Variants in PRKN observed in about 807,000 individuals in gnomAD.
PRKN encodes E3 ubiquitin-protein ligase parkin.
A neutral mutation model predicts 59.5 loss-of-function variants in PRKN; 56 were observed. The observed-to-expected ratio is 0.94, with a 90% CI of 0.76 to 1.18. The LOEUF is 1.18. Ranked by LOEUF, PRKN falls within the 50% of genes most tolerant of loss-of-function variation. The pLI, the probability that PRKN is intolerant of heterozygous loss-of-function variation, is 0.00. For synonymous variants in PRKN, 250 were observed against 222.1 expected (o/e 1.13, Z -1.12); for missense variants, 657 against 596.4 (o/e 1.10, Z -1.06).
chr6:161,788,160 C>G (rs1790500169), intron 6 of PRKN, among the ~76,000 whole-genome samples: 1 of 152,174 alleles, frequency 6.6e-6, no homozygotes, highest in Non-Finnish European at 1.5e-5. Context: ...CTATAGTTGT[C>G]TCCTTCAGTT....
chr6:161,565,821 G>A (rs981736104), intron 8 of PRKN, among the ~76,000 whole-genome samples: 2 of 152,070 alleles, frequency 1.3e-5, no homozygotes, highest in Non-Finnish European at 2.9e-5. Flanking sequence ...GTTACACCAA[G>A]AAAAGAGAAA....
Position 161,350,192 on chromosome 6 carries a change from C to T in PRKN, c.1305G>A (p.Lys435=), listed in dbSNP as rs1582953399. ...VEKNGGCMHM[K]CPQPQCRLEW... ...CGAGCCTGCACTGGGGCTGCGGACA[C>T]TTCATGTGCATGCAGCCTCCTGTTG... Residue 435 remains lysine (K), a synonymous_variant, in exon 12 of 12, where the codon AAG becomes AAA. Coordinates refer to ENST00000366898, the MANE Select transcript of PRKN (RefSeq NM_004562.3). The T allele has an allele frequency of 6.2e-7, 1 of 1,613,476 alleles. No individual in the cohort carries two copies. The highest frequency in any genetic ancestry group is 8.5e-7 in the Non-Finnish European group (1 of 1,179,806).
At position 162,592,158 on chromosome 6, in the gene PRKN, C is replaced by A. The variant is rs1657717229; in HGVS notation, c.7+135504G>T. ...GGGATTACAGACACTCATCACCACG[C>A]CCGGGTAATTTTGTATTTGCAGTAG... On this transcript the variant is annotated intron_variant, in intron 1 of 11. Coordinates refer to ENST00000366898, the MANE Select transcript of PRKN (RefSeq NM_004562.3). 2.0e-5 allele frequency among the ~76,000 whole-genome samples: 3 copies of A among 152,084 alleles called. 1 individual carries two copies. In the South Asian group the frequency reaches 6.2e-4, roughly 32 times the overall value.
intron 4 of PRKN, among the ~76,000 whole-genome samples, chr6:162,162,269 T>C (rs1479857876): frequency 6.6e-6 from 1 of 152,152 alleles, no homozygotes; most frequent in East Asian, 1.9e-4. Flanking sequence ...CACCTGACCT[T>C]ACATAGCATT....
chr6:162,020,846 T>C (rs914362168), intron 5 of PRKN, among the ~76,000 whole-genome samples: 3 of 152,032 alleles, frequency 2.0e-5, no homozygotes, highest in African/African-American at 7.2e-5. Context: ...GGCTCATGCC[T>C]GTAATCCCAG....
chr6:161,635,348 G>C (rs1488520857), intron 7 of PRKN, among the ~76,000 whole-genome samples: 2 of 152,182 alleles, frequency 1.3e-5, no homozygotes, highest in Non-Finnish European at 1.5e-5. Context: ...GTAGACTCCT[G>C]TTCAAATGAA....
intron 2 of PRKN, among the ~76,000 whole-genome samples, chr6:162,298,053 CTG>C (rs1278495142): frequency 6.6e-6 from 1 of 152,160 alleles, no homozygotes; most frequent in Non-Finnish European, 1.5e-5. Flanking sequence ...CGATTCTGTT[CTG>C]TGCCCTCAGA....
chr6:162,081,891 T>C (rs916045717), intron 4 of PRKN, among the ~76,000 whole-genome samples: 1 of 152,130 alleles, frequency 6.6e-6, no homozygotes. Context: ...TCTACATAAC[T>C]TGAGGCAGCT....
chr6:162,722,180 C>T (rs1349493144), intron 1 of PRKN, among the ~76,000 whole-genome samples: 1 of 152,064 alleles, frequency 6.6e-6, no homozygotes, highest in Non-Finnish European at 1.5e-5. Context: ...TACCCAGCAC[C>T]ATCTAATACA....
At chr6:161,753,535 G>C (rs1287845441) in intron 7 of PRKN, among the ~76,000 whole-genome samples, 1 of 152,208 alleles carries the variant, frequency 6.6e-6, no homozygotes, top group South Asian at 2.1e-4. Flanking sequence ...GGGATAAGAG[G>C]TTTATGGGTG....
intron 1 of PRKN, among the ~76,000 whole-genome samples, chr6:162,644,256 A>T (rs1399157103): frequency 6.6e-6 from 1 of 151,982 alleles, no homozygotes; most frequent in Non-Finnish European, 1.5e-5. Context: ...CTCACAGTCC[A>T]CACCATCCTC....
chr6:161,511,081 G>A (rs188589003), intron 9 of PRKN, among the ~76,000 whole-genome samples: 86 of 152,270 alleles, frequency 5.6e-4, no homozygotes, highest in South Asian at 3.7e-3. Context: ...CAAAGGACAG[G>A]TTATCTTAAA....
chr6:161,464,240 C>T (rs1790341014), intron 9 of PRKN, among the ~76,000 whole-genome samples: 1 of 152,246 alleles, frequency 6.6e-6, no homozygotes, highest in Non-Finnish European at 1.5e-5. Context: ...TCTTATACTC[C>T]CGACCTCAGG....
intron 5 of PRKN, among the ~76,000 whole-genome samples, chr6:161,981,694 T>C (rs13194019): frequency 0.092 from 14,024 of 152,292 alleles, 903 homozygotes; most frequent in Non-Finnish European, 0.14. Context: ...TACTGGGTAT[T>C]ACATAAACCC....
intron 1 of PRKN, among the ~76,000 whole-genome samples, chr6:162,578,657 T>C (rs902845146): frequency 1.3e-5 from 2 of 152,212 alleles, no homozygotes; most frequent in African/African-American, 4.8e-5. Flanking sequence ...TAGAATATAC[T>C]TTTCAAATGG....
intron 7 of PRKN, among the ~76,000 whole-genome samples, chr6:161,760,379 T>C (rs1450860746): frequency 1.3e-5 from 2 of 150,836 alleles, no homozygotes; most frequent in Non-Finnish European, 3.0e-5. Context: ...TACATATAAG[T>C]AAAACAACAC....
chr6:161,890,544 C>A (rs1025671128), intron 6 of PRKN, among the ~76,000 whole-genome samples: 2 of 152,124 alleles, frequency 1.3e-5, no homozygotes, highest in African/African-American at 4.8e-5. Context: ...AGGAGCCATG[C>A]GGCCGGATTT....
At chr6:161,827,966 C>T (rs1046709108) in intron 6 of PRKN, among the ~76,000 whole-genome samples, 4 of 152,154 alleles carry the variant, frequency 2.6e-5, no homozygotes, top group African/African-American at 9.7e-5. Flanking sequence ...AGAGTGCCAC[C>T]GTTCTGCTCA....
At chr6:161,612,499 T>C (rs1162040049) in intron 7 of PRKN, among the ~76,000 whole-genome samples, 1 of 151,988 alleles carries the variant, frequency 6.6e-6, no homozygotes, top group Non-Finnish European at 1.5e-5. Context: ...AGCAGGTGGA[T>C]CATTTGAAGT....
Sources: allele counts gnomAD v4.1 joint callset (sites outside exome capture counted in the v4.1 genomes callset), GRCh38; gene constraint gnomAD v4.1.1; transcripts MANE v1.5; gene names NCBI Gene and HGNC (gene_info 2026-07-23, HGNC 2026-07-21).